Variants in ANTXRL observed in about 807,000 individuals in gnomAD.
ANTXRL encodes anthrax toxin receptor-like.
A neutral mutation model predicts 75.4 loss-of-function variants in ANTXRL; 63 were observed. The ratio of observed to expected loss-of-function variants is 0.84; its 90% CI spans 0.68 to 1.03. The LOEUF is 1.03. ANTXRL is among the 50% of genes least tolerant of loss of function. The pLI, the probability that ANTXRL is intolerant of heterozygous loss-of-function variation, is 0.00. For missense variants in ANTXRL, 797 were observed against 789.4 expected (o/e 1.01, Z -0.12); for synonymous variants, 335 against 291.3 (o/e 1.15, Z -1.53).
intron 9 of ANTXRL, 113 bp from the exon 10 acceptor site, chr10:46,302,609 A>T (rs1837822069): frequency 2.8e-6 from 2 of 717,916 alleles, no homozygotes; most frequent in Non-Finnish European, 4.7e-6. Context: ...CTCTTTCCTT[A>T]CAGGAGCCTC....
At chr10:46,297,579 G>C in intron 7 of ANTXRL, 105 bp downstream of exon 7, 1 of 1,165,528 alleles carries the variant, frequency 8.6e-7, no homozygotes, top group Non-Finnish European at 1.2e-6. Flanking sequence ...TGCCCCAAGT[G>C]AGTTGGGCCA....
chr10:46,303,859 A>G (rs1837905779), intron 10 of ANTXRL, among the ~76,000 whole-genome samples: 1 of 152,074 alleles, frequency 6.6e-6, no homozygotes, highest in Non-Finnish European at 1.5e-5. Context: ...GGATTTTTGC[A>G]TCCTCCTTGA....
chr10:46,292,036 C>T (rs1837011878), intron 1 of ANTXRL, 22 bp from the exon 2 acceptor site: 2 of 1,534,824 alleles, frequency 1.3e-6, no homozygotes, highest in Admixed American at 3.9e-5. Flanking sequence ...ATCTCCCTGA[C>T]CCACATCTCC....
At chr10:46,297,187 C>A in intron 5 of ANTXRL, 65 bp from the exon 6 acceptor site, 1 of 1,360,140 alleles carries the variant, frequency 7.4e-7, no homozygotes, top group Non-Finnish European at 1.0e-6. Context: ...TGCAGGGGTT[C>A]CGGAGCTTCT....
intron 16 of ANTXRL, among the ~76,000 whole-genome samples, chr10:46,314,154 C>G (rs1237653671): frequency 1.3e-5 from 2 of 152,184 alleles, no homozygotes; most frequent in Non-Finnish European, 2.9e-5. Flanking sequence ...TGTGCATGGA[C>G]AAGGCCTTGC....
rs576533827 is a variant in ANTXRL at position 46,306,094 on chromosome 10, C to T, written c.896-709C>T. On this transcript the variant is annotated intron_variant, in intron 10 of 16. Transcript: ENST00000620264. ...CTCTTTCCCTCCTTGACAAGGTCAG[C>T]GAGTCACTGCCCAGAGCATTGGCAC... Among the ~76,000 whole-genome samples, 11 of 152,314 alleles carry T rather than the reference C, an allele frequency of 7.2e-5. No individual in the cohort carries two copies. In the South Asian group the frequency reaches 8.3e-4, roughly 11 times the overall value.
intron 16 of ANTXRL, among the ~76,000 whole-genome samples, chr10:46,314,006 G>A (rs1317823691): frequency 2.6e-5 from 4 of 152,296 alleles, no homozygotes; most frequent in African/African-American, 9.6e-5. Flanking sequence ...GGCTCGGCCT[G>A]GGACTCATCT....
At chr10:46,297,803 G>T (rs1389927628) in intron 7 of ANTXRL, 28 bp from the exon 8 acceptor site, 8 of 1,532,602 alleles carry the variant, frequency 5.2e-6, no homozygotes, top group Non-Finnish European at 7.0e-6. Context: ...TCCTGGTGGG[G>T]AGTCCAACCC....
intron 2 of ANTXRL, among the ~76,000 whole-genome samples, chr10:46,293,387 T>TGA (rs1837140670): frequency 6.8e-6 from 1 of 146,862 alleles, no homozygotes; most frequent in African/African-American, 2.5e-5. Flanking sequence ...TGTGAGTGTG[T>TGA]GCCTGTGTGT....
intron 15 of ANTXRL, 40 bp downstream of exon 15, chr10:46,311,705 T>A (rs782271768): frequency 2.6e-6 from 2 of 762,988 alleles, no homozygotes; most frequent in East Asian, 5.5e-5. Flanking sequence ...GACCCCAGCA[T>A]GGGACTGTGG....
intron 9 of ANTXRL, among the ~76,000 whole-genome samples, chr10:46,300,653 G>A (rs1837671212): frequency 6.6e-6 from 1 of 152,098 alleles, no homozygotes. Flanking sequence ...TCACCTTGAA[G>A]GGCCGAGCCC....
rs145325538 is a variant in ANTXRL, at chr10:46,298,177, G to A, written c.796+115G>A. On this transcript the variant is annotated intron_variant, in intron 9 of 16. Coordinates refer to ENST00000620264, the MANE Select transcript of ANTXRL (RefSeq NM_001278688.3). ...GGGGGAGGATGTGTGTGGGGAGTGTGTGAGTGTGGTGTGTGTATGTGGTGT... is the reference window on the plus strand; with the variant it reads ...GGGGGAGGATGTGTGTGGGGAGTGTATGAGTGTGGTGTGTGTATGTGGTGT... 124 of 976,016 alleles carry A rather than the reference G, an allele frequency of 1.3e-4. 1 individual carries two copies. In the East Asian group the frequency reaches 2.2e-3, roughly 17 times the overall value. 60.5% of individuals were successfully genotyped at this position (976,016 alleles called of 1,614,324 possible).
intron 9 of ANTXRL, among the ~76,000 whole-genome samples, chr10:46,300,032 C>G (rs1225763027): frequency 2.0e-5 from 3 of 152,182 alleles, no homozygotes; most frequent in Admixed American, 6.5e-5. Context: ...TGATGATGTC[C>G]CCTGGACACG....
At chr10:46,286,905 A>C (rs1303194590), upstream of ANTXRL, 3 of 321,896 alleles carry the variant, frequency 9.3e-6, no homozygotes, top group South Asian at 4.1e-5. Flanking sequence ...AGCCCCTCCA[A>C]AGGTCCTGTG....
intron 9 of ANTXRL, among the ~76,000 whole-genome samples, chr10:46,302,404 C>A (rs1837807712): frequency 6.6e-6 from 1 of 152,158 alleles, no homozygotes; most frequent in Admixed American, 6.5e-5. Flanking sequence ...GGGAGCACCA[C>A]AGATTTCAGG....
intron 16 of ANTXRL, among the ~76,000 whole-genome samples, chr10:46,314,189 T>C (rs562829811): frequency 1.3e-5 from 2 of 152,298 alleles, no homozygotes; most frequent in African/African-American, 2.4e-5. Flanking sequence ...TGGATGCTGC[T>C]GATAAGAAAT....
At chr10:46,286,948 TG>T, upstream of ANTXRL, 2 of 430,906 alleles carry the variant, frequency 4.6e-6, no homozygotes, top group South Asian at 2.8e-5. Context: ...TGCAGGACAT[TG>T]GGAAGAGCTG....
intron 9 of ANTXRL, among the ~76,000 whole-genome samples, chr10:46,300,989 C>G (rs1350797418): frequency 6.7e-6 from 1 of 150,288 alleles, no homozygotes; most frequent in African/African-American, 2.5e-5. Flanking sequence ...TCTCTCCCAC[C>G]CCCCCTCTCT....
At chr10:46,291,137 T>A (rs2132641246) in intron 1 of ANTXRL, among the ~76,000 whole-genome samples, 1 of 152,322 alleles carries the variant, frequency 6.6e-6, no homozygotes, top group East Asian at 1.9e-4. Flanking sequence ...AACTTCATTC[T>A]TTTGCACATA....
Sources: gnomAD v4.1 joint callset for allele counts (sites outside exome capture counted in the v4.1 genomes callset) on GRCh38, gnomAD v4.1.1 for gene constraint, MANE v1.5 for transcripts, NCBI Gene and HGNC (gene_info 2026-07-23, HGNC 2026-07-21) for gene names.